The following PDZRN3 variants were observed in gnomAD, a reference collection of about 807,000 sequenced individuals.
PDZRN3 encodes E3 ubiquitin-protein ligase PDZRN3.
In PDZRN3, 38 loss-of-function variants were observed where a neutral mutation model predicts 85.7. That is an observed-to-expected ratio of 0.44 (90% CI 0.34 to 0.58). PDZRN3 has a LOEUF of 0.58. Among genes scored for constraint, PDZRN3 ranks in the 20% least tolerant of loss-of-function variants. PDZRN3 has a pLI of 0.01. For synonymous variants in PDZRN3, 759 were observed against 638.0 expected (o/e 1.19, Z -2.86); for missense variants, 1,629 against 1,506.4 (o/e 1.08, Z -1.35).
intron 3 of PDZRN3, among the ~76,000 whole-genome samples, chr3:73,537,670 A>C (rs1704819939): frequency 6.6e-6 from 1 of 152,118 alleles, no homozygotes; most frequent in African/African-American, 2.4e-5. Context: ...CCCAGGCTGG[A>C]GTGCAGTGGC....
At chr3:73,622,118 T>C (rs1055009661) in intron 1 of PDZRN3, among the ~76,000 whole-genome samples, 1 of 152,214 alleles carries the variant, frequency 6.6e-6, no homozygotes, top group African/African-American at 2.4e-5. Context: ...TGGCGCCTGA[T>C]TGAAGACCAA....
At position 73,384,553 on chromosome 3, in the gene PDZRN3, C is replaced by A; in HGVS notation, c.2013G>T (p.Leu671=). The change falls in exon 10 of 10, where the codon CTG becomes CTT. Residue 671 remains leucine, a synonymous_variant. Transcript: ENST00000263666. ...PYGLYYPSGP[L]DAGKSDPESV... is the part of the protein sequence containing the mutation. ...TCTCAGGGTCACTCTTGCCGGCGTC[C>A]AGGGGGCCGCTAGGGTAGTACAGGC... The A allele has an allele frequency of 6.2e-7, 1 of 1,613,686 alleles. No homozygotes were observed. The highest frequency in any genetic ancestry group is 8.5e-7 in the Non-Finnish European group (1 of 1,180,030).
chr3:73,428,116 C>T (rs1702354552), intron 3 of PDZRN3, among the ~76,000 whole-genome samples: 1 of 152,070 alleles, frequency 6.6e-6, no homozygotes, highest in Non-Finnish European at 1.5e-5. Flanking sequence ...ATGAGCAGGG[C>T]AGGAGGTTTA....
intron 3 of PDZRN3, among the ~76,000 whole-genome samples, chr3:73,415,595 T>C (rs975047812): frequency 2.6e-5 from 4 of 152,344 alleles, no homozygotes; most frequent in Non-Finnish European, 4.4e-5. Flanking sequence ...GGTATCCACA[T>C]AATCCTTCTA....
At chr3:73,523,675 A>G (rs1704451763) in intron 3 of PDZRN3, among the ~76,000 whole-genome samples, 1 of 152,198 alleles carries the variant, frequency 6.6e-6, no homozygotes, top group Non-Finnish European at 1.5e-5. Context: ...AGTTGGTTAA[A>G]GGTCCGAAGA....
intron 3 of PDZRN3, among the ~76,000 whole-genome samples, chr3:73,422,046 AC>A (rs1254896353): frequency 6.6e-6 from 1 of 152,100 alleles, no homozygotes; most frequent in Non-Finnish European, 1.5e-5. Context: ...TAGAGCCTTT[AC>A]CCCACATTGT....
chr3:73,482,900 C>G (rs1323025456), intron 3 of PDZRN3, among the ~76,000 whole-genome samples: 1 of 151,942 alleles, frequency 6.6e-6, no homozygotes, highest in Admixed American at 6.6e-5. Context: ...GAAGGCACTG[C>G]TCTCTAGCTT....
intron 3 of PDZRN3, among the ~76,000 whole-genome samples, chr3:73,479,784 G>C (rs2106902763): frequency 6.6e-6 from 1 of 152,260 alleles, no homozygotes; most frequent in Non-Finnish European, 1.5e-5. Context: ...TTTCACAAAT[G>C]TGGTGGGGAC....
intron 3 of PDZRN3, among the ~76,000 whole-genome samples, chr3:73,422,006 T>G (rs1328561359): frequency 6.6e-6 from 1 of 152,212 alleles, no homozygotes; most frequent in East Asian, 1.9e-4. Context: ...GGTCTTTATA[T>G]GATGTTTCTG....
rs148789553 is a variant in PDZRN3 at position 73,577,725 on chromosome 3, TC to T, written c.918+24628del. 6.2e-3 allele frequency among the ~76,000 whole-genome samples: 949 copies of T among 152,260 alleles called. 8 individuals are homozygous for T. Among genetic ancestry groups the T allele is most frequent in the African/African-American group, 0.021 (875 of 41,548 alleles). Reference sequence around the variant, plus strand: ...AGCCCTCTTCACAGACTGCCTTTCTTCTAGGTTCTGGTACCTCCTTCCACTC... The same window carrying T: ...AGCCCTCTTCACAGACTGCCTTTCTTTAGGTTCTGGTACCTCCTTCCACTC... On this transcript the variant is annotated intron_variant, in intron 3 of 9. Coordinates refer to ENST00000263666, the MANE Select transcript of PDZRN3 (RefSeq NM_015009.3).
At chr3:73,436,066 C>T (rs1702525445) in intron 3 of PDZRN3, among the ~76,000 whole-genome samples, 1 of 152,172 alleles carries the variant, frequency 6.6e-6, no homozygotes, top group African/African-American at 2.4e-5. Context: ...CAACCCCCAT[C>T]CCCATCTCCG....
intron 3 of PDZRN3, among the ~76,000 whole-genome samples, chr3:73,520,864 C>T (rs1329216123): frequency 6.6e-6 from 1 of 152,140 alleles, no homozygotes; most frequent in African/African-American, 2.4e-5. Context: ...CATCAGCACC[C>T]AGATGGTAAT....
intron 3 of PDZRN3, among the ~76,000 whole-genome samples, chr3:73,534,091 T>C (rs1046625055): frequency 6.6e-6 from 1 of 152,218 alleles, no homozygotes; most frequent in Non-Finnish European, 1.5e-5. Flanking sequence ...CTGCTTACCG[T>C]TGAGTCCCCA....
intron 3 of PDZRN3, among the ~76,000 whole-genome samples, chr3:73,499,581 A>T (rs113085338): frequency 5.1e-4 from 77 of 152,220 alleles, no homozygotes; most frequent in African/African-American, 1.8e-3. Flanking sequence ...TTCTGGAATG[A>T]TCCTAATTCT....
At chr3:73,583,424 C>G (rs1254015003) in intron 3 of PDZRN3, among the ~76,000 whole-genome samples, 1 of 152,178 alleles carries the variant, frequency 6.6e-6, no homozygotes, top group Non-Finnish European at 1.5e-5. Context: ...TAGCCTCAGG[C>G]TAGCAGTTGA....
chr3:73,551,553 T>C (rs575180104), intron 3 of PDZRN3, among the ~76,000 whole-genome samples: 7 of 152,062 alleles, frequency 4.6e-5, no homozygotes, highest in African/African-American at 9.6e-5. Flanking sequence ...CATGGTGGCA[T>C]TGGCATGTGC....
At chr3:73,412,700 G>T (rs182231694) in intron 3 of PDZRN3, among the ~76,000 whole-genome samples, 1 of 152,248 alleles carries the variant, frequency 6.6e-6, no homozygotes, top group African/African-American at 2.4e-5. Context: ...TGTAAAATGG[G>T]TTAACAGCAG....
intron 3 of PDZRN3, among the ~76,000 whole-genome samples, chr3:73,453,144 A>G (rs995303400): frequency 2.0e-5 from 3 of 152,128 alleles, no homozygotes; most frequent in African/African-American, 4.8e-5. Context: ...GTGGTAGCTC[A>G]TGCCTGTAAT....
chr3:73,514,897 T>C (rs779956312), intron 3 of PDZRN3, among the ~76,000 whole-genome samples: 18 of 152,198 alleles, frequency 1.2e-4, no homozygotes, highest in Non-Finnish European at 1.8e-4. Flanking sequence ...ACCGGAGATA[T>C]TATCTATAAA....
Sources: allele counts gnomAD v4.1 joint callset (sites outside exome capture counted in the v4.1 genomes callset), GRCh38; gene constraint gnomAD v4.1.1; transcripts MANE v1.5; gene names NCBI Gene and HGNC (gene_info 2026-07-23, HGNC 2026-07-21).